Variants in BST1 observed in about 807,000 individuals in gnomAD.
BST1 encodes bone marrow stromal cell antigen 1, also known as ADP-ribosyl cyclase/cyclic ADP-ribose hydrolase 2.
A neutral mutation model predicts 40.6 loss-of-function variants in BST1; 49 were observed. The ratio of observed to expected loss-of-function variants is 1.21; its 90% CI spans 0.96 to 1.53. The LOEUF is 1.53. BST1 is among the 40% of genes most tolerant of loss of function. BST1 has a pLI of 0.00. For synonymous variants in BST1, 157 were observed against 159.3 expected (o/e 0.99, Z 0.11); for missense variants, 423 against 395.9 (o/e 1.07, Z -0.58).
chr4:15,703,386 G>A, intron 1 of BST1, 54 bp downstream of exon 1: 1 of 1,475,780 alleles, frequency 6.8e-7, no homozygotes, highest in South Asian at 1.3e-5. Context: ...CGGTGGGGAG[G>A]GCCTGGGGAG....
chr4:15,731,527 A>G (rs1472855612), intron 8 of BST1: 21 of 1,057,508 alleles, frequency 2.0e-5, no homozygotes, highest in Non-Finnish European at 2.8e-5. Context: ...GCTGATCTGC[A>G]ACTCCACCAT....
At chr4:15,754,367 G>T in the BST1 span, among the ~76,000 whole-genome samples, 1 of 152,274 alleles carries the variant, frequency 6.6e-6, no homozygotes, top group Non-Finnish European at 1.5e-5. Context: ...GGTATGTTGA[G>T]TTCAGGAACA....
the BST1 span, among the ~76,000 whole-genome samples, chr4:15,770,964 G>T: frequency 4.6e-5 from 7 of 152,234 alleles, no homozygotes; most frequent in Admixed American, 4.6e-4. Context: ...GCCCACCCAG[G>T]TCTACCTGAC....
chr4:15,758,323 C>T, the BST1 span, among the ~76,000 whole-genome samples: 8 of 152,046 alleles, frequency 5.3e-5, no homozygotes, highest in Non-Finnish European at 1.2e-4. Flanking sequence ...TAGTCCCCAG[C>T]GTCTATTGTT....
At chr4:15,715,489 C>A in intron 5 of BST1, 128 bp downstream of exon 5, 1 of 1,006,322 alleles carries the variant, frequency 9.9e-7, no homozygotes, top group Non-Finnish European at 1.5e-6. Context: ...TCAGGTAAAG[C>A]AAAACAGATG....
In BST1 at chr4:15,723,547, C is replaced by T. The variant is rs117253156; in HGVS notation, c.851+613C>T. The T allele has an allele frequency of 8.5e-4, 835 of 985,492 alleles. 17 individuals carry two copies. The East Asian group carries it at 0.071, about 83-fold the overall frequency. The allele number at this position is 985,492 out of a possible 1,614,324, so 61.0% of individuals were successfully genotyped here. ...ACAGGCGTAAGCCACCACGCCTGGC[C>T]CACACCACCTTTTATGTAATCCTTT... is the stretch of plus-strand genomic sequence containing the variant. On this transcript the variant is annotated intron_variant, in intron 8 of 8. Coordinates refer to ENST00000265016, the MANE Select transcript of BST1 (RefSeq NM_004334.3).
chr4:15,743,875 G>A, the BST1 span, among the ~76,000 whole-genome samples: 1 of 152,150 alleles, frequency 6.6e-6, no homozygotes, highest in African/African-American at 2.4e-5. Context: ...CATTAGGGAC[G>A]CTGGTCAGAC....
At position 15,732,073 on chromosome 4, in the gene BST1, T is replaced by G; in HGVS notation, c.*228T>G. On this transcript the variant is annotated 3_prime_UTR_variant, in exon 9 of 9. Transcript: ENST00000265016. Reference sequence around the variant, plus strand: ...ATGCTGCATTAGAATTAAAGCAAGTTATTTTCTTATTTGTATAATGACACA... The same window carrying G: ...ATGCTGCATTAGAATTAAAGCAAGTGATTTTCTTATTTGTATAATGACACA... The G allele has an allele frequency of 8.1e-7, 1 of 1,230,656 alleles. No individual in the cohort carries two copies. Among genetic ancestry groups the G allele is most frequent in the South Asian group, 2.7e-5 (1 of 37,138 alleles). 76.2% of individuals were successfully genotyped at this position (1,230,656 alleles called of 1,614,324 possible). A position where few individuals can be genotyped will look rare whatever the true frequency, so the allele number is the denominator to read the frequency against.
intron 6 of BST1, 72 bp downstream of exon 6, chr4:15,715,871 G>A (rs779012939): frequency 2.5e-4 from 294 of 1,158,414 alleles, no homozygotes; most frequent in Middle Eastern, 8.6e-4. Context: ...GATAAAGTTC[G>A]TTTAACATTT....
At chr4:15,753,470 G>T in the BST1 span, among the ~76,000 whole-genome samples, 1 of 152,210 alleles carries the variant, frequency 6.6e-6, no homozygotes, top group Non-Finnish European at 1.5e-5. Context: ...TCACGATCGC[G>T]CCAGTGGGTG....
At chr4:15,771,537 C>T in the BST1 span, among the ~76,000 whole-genome samples, 146 of 152,288 alleles carry the variant, frequency 9.6e-4, 1 homozygote, top group Non-Finnish European at 1.1e-3. Context: ...TTACATTTCA[C>T]AGAAAGAGAA....
At chr4:15,744,011 C>G in the BST1 span, among the ~76,000 whole-genome samples, 1 of 152,216 alleles carries the variant, frequency 6.6e-6, no homozygotes, top group Admixed American at 6.5e-5. Flanking sequence ...TAGAGTCTTT[C>G]TTTCCTTGGG....
At chr4:15,736,545 G>A (rs1721573609), downstream of BST1, among the ~76,000 whole-genome samples, 1 of 151,860 alleles carries the variant, frequency 6.6e-6, no homozygotes, top group South Asian at 2.1e-4. Flanking sequence ...AGGACACAGA[G>A]GTTGCAGTGA....
At chr4:15,764,712 T>C in the BST1 span, among the ~76,000 whole-genome samples, 1 of 151,910 alleles carries the variant, frequency 6.6e-6, no homozygotes, top group African/African-American at 2.4e-5. Context: ...TGCTTTACTC[T>C]CAACCGATGT....
At chr4:15,741,677 T>A (rs932560299), downstream of BST1, among the ~76,000 whole-genome samples, 3 of 152,192 alleles carry the variant, frequency 2.0e-5, no homozygotes, top group Admixed American at 6.5e-5. Flanking sequence ...TTTCATGGCG[T>A]CTGAAAACTA....
At chr4:15,752,392 C>CTT in the BST1 span, among the ~76,000 whole-genome samples, 1 of 143,300 alleles carries the variant, frequency 7.0e-6, no homozygotes, top group Non-Finnish European at 1.5e-5. Context: ...TCAAGCTATT[C>CTT]TTTTTTTTTT....
the BST1 span, chr4:15,743,588 A>G: frequency 3.0e-6 from 1 of 337,032 alleles, no homozygotes; most frequent in Non-Finnish European, 5.8e-6. Context: ...CCCAGCTGGG[A>G]GCCTCTGCGG....
chr4:15,718,981 T>C lies in BST1; in HGVS notation c.779T>C (p.Ile260Thr), dbSNP rs1720659695. 1 of 1,613,814 alleles carries C rather than the reference T, an allele frequency of 6.2e-7. No individual in the cohort carries two copies. ...LKDMGFQYSC[I>T]NDYRPVKLLQ... ...GACATGGGGTTCCAGTACAGCTGTA[T>C]TAATGATTACCGGTAGGTGGCCTAT... The change falls in exon 7 of 9, where the codon ATT becomes ACT. Residue 260 changes from isoleucine (I) to threonine (T), a missense_variant. Coordinates refer to ENST00000265016, the MANE Select transcript of BST1 (RefSeq NM_004334.3).
rs777585050 is a variant in BST1, at chr4:15,705,504, C to T, written c.189-11C>T. 1 of 1,561,392 alleles carries T rather than the reference C, an allele frequency of 6.4e-7. No individual in the cohort carries two copies. Among genetic ancestry groups the T allele is most frequent in the Non-Finnish European group, 8.6e-7 (1 of 1,157,740 alleles). On this transcript the variant is annotated splice_polypyrimidine_tract_variant and intron_variant, in intron 1 of 8. Transcript: ENST00000265016. ...ATGTGTGTGTTCTTCCCAACTTGTA[C>T]TTTTGCACAGGAACAAGAACTGCAC...
Sources: allele counts gnomAD v4.1 joint callset (sites outside exome capture counted in the v4.1 genomes callset), GRCh38; gene constraint gnomAD v4.1.1; transcripts MANE v1.5; gene names NCBI Gene and HGNC (gene_info 2026-07-23, HGNC 2026-07-21).